The following KIAA1328 variants were observed in gnomAD, a reference collection of about 807,000 sequenced individuals.
KIAA1328 encodes the protein protein hinderin.
KIAA1328 carries 52 observed loss-of-function variants against 68.1 expected under a neutral mutation model. The observed-to-expected ratio is 0.76, with a 90% CI of 0.61 to 0.96. The LOEUF (loss-of-function observed/expected upper bound fraction) is 0.96, where lower values mean the gene tolerates loss of function less well. Ranked by LOEUF, KIAA1328 falls within the 40% of genes least tolerant of loss-of-function variation. The pLI, the probability that KIAA1328 is intolerant of heterozygous loss-of-function variation, is 0.00. For missense variants in KIAA1328, 641 were observed against 677.6 expected (o/e 0.95, Z 0.60); for synonymous variants, 232 against 239.4 (o/e 0.97, Z 0.28).
intron 7 of KIAA1328, among the ~76,000 whole-genome samples, chr18:37,085,436 G>C (rs1018667337): frequency 1.3e-5 from 2 of 152,074 alleles, no homozygotes; most frequent in Admixed American, 1.3e-4. Context: ...GCTACAGCCT[G>C]GTGCTATAAT....
chr18:36,883,913 A>G (rs957813563), intron 4 of KIAA1328, among the ~76,000 whole-genome samples: 1 of 143,450 alleles, frequency 7.0e-6, no homozygotes, highest in Non-Finnish European at 1.5e-5. Flanking sequence ...ATGTTTGGTA[A>G]CTTTCTTCTT....
intron 5 of KIAA1328, among the ~76,000 whole-genome samples, chr18:36,905,941 C>T (rs979045659): frequency 6.6e-5 from 10 of 152,112 alleles, no homozygotes; most frequent in African/African-American, 2.4e-4. Flanking sequence ...CAACTTCTGC[C>T]ATCTATTTAA....
intron 5 of KIAA1328, among the ~76,000 whole-genome samples, chr18:36,897,985 TAAG>T (rs1164785723): frequency 6.6e-6 from 1 of 151,996 alleles, no homozygotes; most frequent in Non-Finnish European, 1.5e-5. Context: ...CTCAATGAAA[TAAG>T]AAGCCAATAG....
chr18:37,142,942 G>GTTTTTTTT (rs551875920), intron 7 of KIAA1328, among the ~76,000 whole-genome samples: 1 of 140,362 alleles, frequency 7.1e-6, no homozygotes, highest in Non-Finnish European at 1.6e-5. Flanking sequence ...ATTTACTTTG[G>GTTTTTTTT]TTTTTTTTTT....
At chr18:36,834,462 A>T (rs1404333187) in intron 2 of KIAA1328, 107 bp downstream of exon 2, 1 of 919,688 alleles carries the variant, frequency 1.1e-6, no homozygotes, top group African/African-American at 1.7e-5. Flanking sequence ...CTGAATGCAG[A>T]GCAGTACATC....
At chr18:37,063,082 AACGTGCAGGTTTGTT>A (rs2056216618) in intron 6 of KIAA1328, among the ~76,000 whole-genome samples, 1 of 151,768 alleles carries the variant, frequency 6.6e-6, no homozygotes, top group African/African-American at 2.4e-5. Flanking sequence ...ACATGTGCAC[AACGTGCAGGTTTGTT>A]ACATATGTAT....
At chr18:36,838,447 A>G in intron 3 of KIAA1328, among the ~76,000 whole-genome samples, 1 of 152,208 alleles carries the variant, frequency 6.6e-6, no homozygotes, top group Non-Finnish European at 1.5e-5. Context: ...ACATTAGTTC[A>G]GGTATGCTAG....
At chr18:36,850,281 T>C (rs1163247344) in intron 4 of KIAA1328, among the ~76,000 whole-genome samples, 1 of 152,116 alleles carries the variant, frequency 6.6e-6, no homozygotes, top group African/African-American at 2.4e-5. Flanking sequence ...TCCTTTCAGA[T>C]TGTTCATTGC....
chr18:37,028,752 A>T (rs1568311776), intron 6 of KIAA1328, among the ~76,000 whole-genome samples: 1 of 151,902 alleles, frequency 6.6e-6, no homozygotes, highest in South Asian at 2.1e-4. Context: ...TTTATTGAAA[A>T]TCTTTTCTGT....
intron 5 of KIAA1328, among the ~76,000 whole-genome samples, chr18:36,896,665 C>T (rs944831060): frequency 2.0e-5 from 3 of 152,106 alleles, no homozygotes; most frequent in East Asian, 3.9e-4. Context: ...TGGTACTAAA[C>T]CTGTATAGCA....
chr18:36,839,782 A>G (rs1268081182), intron 3 of KIAA1328, among the ~76,000 whole-genome samples: 1 of 151,732 alleles, frequency 6.6e-6, no homozygotes, highest in Non-Finnish European at 1.5e-5. Flanking sequence ...TGTAGGCCAT[A>G]CTCTTTTGAA....
intron 7 of KIAA1328, among the ~76,000 whole-genome samples, chr18:37,068,004 T>A (rs908375480): frequency 7.9e-5 from 12 of 152,298 alleles, no homozygotes; most frequent in Non-Finnish European, 1.8e-4. Flanking sequence ...ACTAAGTAAA[T>A]TCCCCTTTAT....
chr18:37,168,615 T>C (rs1221904127), intron 8 of KIAA1328, among the ~76,000 whole-genome samples: 1 of 152,164 alleles, frequency 6.6e-6, no homozygotes, highest in Non-Finnish European at 1.5e-5. Flanking sequence ...AAAAATAATA[T>C]ACATATTTCT....
chr18:36,831,222 T>C (rs543222978), intron 1 of KIAA1328, among the ~76,000 whole-genome samples: 1 of 152,292 alleles, frequency 6.6e-6, no homozygotes, highest in South Asian at 2.1e-4. Flanking sequence ...ACCTAAACAT[T>C]TAGAGAAATG....
chr18:36,840,411 G>T (rs2046820595), intron 3 of KIAA1328, among the ~76,000 whole-genome samples: 1 of 151,386 alleles, frequency 6.6e-6, no homozygotes, highest in African/African-American at 2.4e-5. Context: ...TAGAAATGGT[G>T]GTTTGCTTTT....
At chr18:36,901,084 T>C (rs1036629429) in intron 5 of KIAA1328, among the ~76,000 whole-genome samples, 3 of 152,076 alleles carry the variant, frequency 2.0e-5, no homozygotes, top group Non-Finnish European at 4.4e-5. Context: ...TCCTTATGAA[T>C]ATTTAGAGTT....
chr18:36,871,483 T>G (rs1165122202), intron 4 of KIAA1328, among the ~76,000 whole-genome samples: 2 of 152,170 alleles, frequency 1.3e-5, no homozygotes, highest in Admixed American at 1.3e-4. Context: ...TTTCTTTAAT[T>G]AATATAGTTC....
chr18:36,842,674 A>T (rs904227255), intron 3 of KIAA1328, among the ~76,000 whole-genome samples: 204 of 142,538 alleles, frequency 1.4e-3, no homozygotes, highest in African/African-American at 4.6e-3. Context: ...CTAATTATTT[A>T]TTTTTTTTTT....
chr18:36,967,432 G>A (rs1056497995), intron 6 of KIAA1328, among the ~76,000 whole-genome samples: 1 of 152,236 alleles, frequency 6.6e-6, no homozygotes, highest in African/African-American at 2.4e-5. Flanking sequence ...ATTCAGTCTT[G>A]TGAGAAACTA....
Sources: allele counts gnomAD v4.1 joint callset (sites outside exome capture counted in the v4.1 genomes callset), GRCh38; gene constraint gnomAD v4.1.1; transcripts MANE v1.5; gene names NCBI Gene and HGNC (gene_info 2026-07-23, HGNC 2026-07-21).